Variants in XKR4 observed in about 807,000 individuals in gnomAD.
XKR4 encodes the protein XK-related protein 4.
XKR4 carries 12 observed loss-of-function variants against 53.9 expected under a neutral mutation model. That is an observed-to-expected ratio of 0.22 (90% CI 0.14 to 0.36). The LOEUF (loss-of-function observed/expected upper bound fraction) is 0.36. Ranked by LOEUF, XKR4 falls within the 10% of genes least tolerant of loss-of-function variation. The pLI, the probability that XKR4 is intolerant of heterozygous loss-of-function variation, is 1.00. For missense variants in XKR4, 799 were observed against 859.5 expected, an observed-to-expected ratio of 0.93 and a Z score of 0.88; for synonymous variants, 354 against 362.4, an observed-to-expected ratio of 0.98 and a Z score of 0.26.
chr8:55,182,272 C>A (rs1436639597), intron 1 of XKR4, among the ~76,000 whole-genome samples: 6 of 151,888 alleles, frequency 4.0e-5, no homozygotes, highest in African/African-American at 1.5e-4. Flanking sequence ...TTGGTAAAGT[C>A]CAGTTTATCA....
intron 1 of XKR4, among the ~76,000 whole-genome samples, chr8:55,212,788 G>T (rs971490768): frequency 6.6e-6 from 1 of 152,156 alleles, no homozygotes; most frequent in African/African-American, 2.4e-5. Flanking sequence ...GCATTCCTGG[G>T]TTTTCTCCAT....
At position 55,528,018 on chromosome 8, in the gene XKR4, A is replaced by G. The variant is rs968499039; in HGVS notation, c.*3791A>G. The G allele has an allele frequency of 6.6e-6, 1 of 152,222 alleles. No individual in the cohort carries two copies. The highest frequency in any genetic ancestry group is 2.4e-5 in the African/African-American group (1 of 41,460). 9.4% of individuals were successfully genotyped at this position (152,222 alleles called of 1,614,324 possible). ...TATGTATGTACACACACACACACAC[A>G]CACTTTCCAACTAAAGTAACAGAGA... On this transcript the variant is annotated 3_prime_UTR_variant, in exon 3 of 3. Coordinates refer to ENST00000327381, the MANE Select transcript of XKR4 (RefSeq NM_052898.2).
chr8:55,257,253 G>A (rs1818450915), intron 1 of XKR4, among the ~76,000 whole-genome samples: 2 of 152,128 alleles, frequency 1.3e-5, no homozygotes, highest in South Asian at 4.1e-4. Context: ...ATTAGACAGA[G>A]TCAACTCACG....
At position 55,391,886 on chromosome 8, in the gene XKR4, G is replaced by A. The variant is rs537983795; in HGVS notation, c.1006+34009G>A. On this transcript the variant is annotated intron_variant, in intron 2 of 2. Coordinates refer to ENST00000327381, the MANE Select transcript of XKR4 (RefSeq NM_052898.2). ...ACATATTCTAAAGAAAAATAGAGAC[G>A]CAAAGAAGATCTTACACTTTAATAG... is the stretch of plus-strand genomic sequence containing the variant. Among the ~76,000 whole-genome samples the A allele has an allele frequency of 8.5e-5, 13 of 152,184 alleles. 1 individual carries two copies. Among genetic ancestry groups the A allele is most frequent in the East Asian group, 1.9e-4 (1 of 5,188 alleles).
intron 1 of XKR4, among the ~76,000 whole-genome samples, chr8:55,144,657 C>T (rs1415154180): frequency 6.6e-6 from 1 of 151,904 alleles, no homozygotes; most frequent in East Asian, 1.9e-4. Flanking sequence ...AACAAAACAA[C>T]ATAAAAAAGA....
chr8:55,446,229 C>T (rs1286897438), intron 2 of XKR4, among the ~76,000 whole-genome samples: 1 of 152,216 alleles, frequency 6.6e-6, no homozygotes, highest in Non-Finnish European at 1.5e-5. Context: ...GCAAACTAAC[C>T]TTGGAGCTTT....
In XKR4 at chr8:55,201,814, C is replaced by T. The variant is rs1028852555; in HGVS notation, c.806+98520C>T. Among the ~76,000 whole-genome samples the T allele has an allele frequency of 3.3e-5, 5 of 152,150 alleles. No homozygotes were observed. The East Asian group carries it at 9.6e-4, about 29-fold the overall frequency. On this transcript the variant is annotated intron_variant, in intron 1 of 2. Coordinates refer to ENST00000327381, the MANE Select transcript of XKR4 (RefSeq NM_052898.2). The stretch of plus-strand genomic sequence containing the variant: ...CACATTCCTGCTGAATTGGTACAGC[C>T]TCTTGTTGCCTACAAAGTTGAGCAT...
At chr8:55,261,920 TG>T (rs1194635445) in intron 1 of XKR4, among the ~76,000 whole-genome samples, 1 of 152,114 alleles carries the variant, frequency 6.6e-6, no homozygotes, top group Non-Finnish European at 1.5e-5. Context: ...AGTATCTTTT[TG>T]TAGACTGTAA....
chr8:55,336,271 C>G (rs1251556933), intron 1 of XKR4, among the ~76,000 whole-genome samples: 2 of 151,968 alleles, frequency 1.3e-5, no homozygotes, highest in Admixed American at 1.3e-4. Context: ...TCACGGGTTT[C>G]CACTTTTGCT....
At chr8:55,507,428 G>A (rs1231242343) in intron 2 of XKR4, among the ~76,000 whole-genome samples, 3 of 151,730 alleles carry the variant, frequency 2.0e-5, no homozygotes, top group Non-Finnish European at 4.4e-5. Context: ...GTATACATGT[G>A]CCATGTTGTT....
At position 55,237,117 on chromosome 8, in the gene XKR4, C is replaced by T. The variant is rs539819857; in HGVS notation, c.807-120561C>T. On this transcript the variant is annotated intron_variant, in intron 1 of 2. Coordinates refer to ENST00000327381, the MANE Select transcript of XKR4 (RefSeq NM_052898.2). ...TAGTTTTAGTTTCCTCCTCTGAGTC[C>T]ACATAACTTTATAGAAAACTTTGTG... Among the ~76,000 whole-genome samples the T allele has an allele frequency of 1.1e-4, 16 of 152,248 alleles. No homozygotes were observed. In the South Asian group the frequency reaches 3.1e-3, roughly 30 times the overall value.
chr8:55,135,658 A>G (rs1816618501), intron 1 of XKR4: 1 of 456,032 alleles, frequency 2.2e-6, no homozygotes, highest in Admixed American at 2.3e-5. Context: ...GGAGTCTTCA[A>G]AAAACAGGGA....
At chr8:55,357,519 C>T (rs1803837746) in intron 1 of XKR4, among the ~76,000 whole-genome samples, 159 bp from the exon 2 acceptor site, 1 of 152,186 alleles carries the variant, frequency 6.6e-6, no homozygotes, top group African/African-American at 2.4e-5. Flanking sequence ...TATGGGTACT[C>T]TTAAGCAGTT....
intron 1 of XKR4, among the ~76,000 whole-genome samples, chr8:55,305,464 G>C (rs1819282047): frequency 6.6e-6 from 1 of 152,048 alleles, no homozygotes; most frequent in Non-Finnish European, 1.5e-5. Context: ...AGCCTAAAAA[G>C]GTCAAGCTTT....
chr8:55,493,270 C>T (rs1186431288), intron 2 of XKR4, among the ~76,000 whole-genome samples: 1 of 152,116 alleles, frequency 6.6e-6, no homozygotes, highest in Non-Finnish European at 1.5e-5. Flanking sequence ...GAGTAATGCC[C>T]ATCTAATTCC....
chr8:55,178,370 G>A lies in XKR4; in HGVS notation c.806+75076G>A, dbSNP rs141325471. Among the ~76,000 whole-genome samples, 61 of 152,180 alleles carry A rather than the reference G, an allele frequency of 4.0e-4. No homozygotes were observed. The East Asian group carries it at 5.0e-3, about 13-fold the overall frequency. Reference sequence around the variant, plus strand: ...GCTTAAACTGTGCCAGACTCTCCCCGTCTGTAAAATGAAAATGGTGATATC... The same window carrying A: ...GCTTAAACTGTGCCAGACTCTCCCCATCTGTAAAATGAAAATGGTGATATC... On this transcript the variant is annotated intron_variant, in intron 1 of 2. Coordinates refer to ENST00000327381, the MANE Select transcript of XKR4 (RefSeq NM_052898.2).
At chr8:55,511,392 TCCCAG>T (rs1806623629) in intron 2 of XKR4, among the ~76,000 whole-genome samples, 1 of 152,108 alleles carries the variant, frequency 6.6e-6, no homozygotes, top group Non-Finnish European at 1.5e-5. Context: ...TCCGTTGAGG[TCCCAG>T]GACCTCAGAA....
intron 1 of XKR4, among the ~76,000 whole-genome samples, chr8:55,147,608 C>T (rs1263765620): frequency 6.6e-6 from 1 of 152,186 alleles, no homozygotes; most frequent in Admixed American, 6.5e-5. Flanking sequence ...CTGCTTGTCC[C>T]TTTCCCAGGC....
At chr8:55,405,056 A>G (rs1324019889) in intron 2 of XKR4, among the ~76,000 whole-genome samples, 2 of 152,226 alleles carry the variant, frequency 1.3e-5, no homozygotes, top group Non-Finnish European at 2.9e-5. Flanking sequence ...TTAATACACT[A>G]GATGATTTAG....
Sources: allele counts gnomAD v4.1 joint callset (sites outside exome capture counted in the v4.1 genomes callset), GRCh38; gene constraint gnomAD v4.1.1; transcripts MANE v1.5; gene names NCBI Gene and HGNC (gene_info 2026-07-23, HGNC 2026-07-21).